The following AFF1 variants were observed in gnomAD, a reference collection of about 807,000 sequenced individuals.
AFF1 encodes the protein AF4/FMR2 family member 1.
A neutral mutation model predicts 121.7 loss-of-function variants in AFF1; 48 were observed. The ratio of observed to expected loss-of-function variants is 0.39; its 90% CI spans 0.31 to 0.50. The LOEUF (loss-of-function observed/expected upper bound fraction) is 0.50. AFF1 is among the 20% of genes least tolerant of loss of function. The pLI is 0.76. For synonymous variants in AFF1, 613 were observed against 563.0 expected, an observed-to-expected ratio of 1.09 and a Z score of -1.26; for missense variants, 1,523 against 1,511.7, an observed-to-expected ratio of 1.01 and a Z score of -0.12.
At chr4:87,082,562 G>T (rs912797647) in intron 4 of AFF1, among the ~76,000 whole-genome samples, 1 of 151,656 alleles carries the variant, frequency 6.6e-6, no homozygotes, top group Non-Finnish European at 1.5e-5. Context: ...TTAAATTTTT[G>T]TCTGTTTTGA....
At chr4:86,949,852 G>T in intron 2 of AFF1, 1 of 1,614,080 alleles carries the variant, frequency 6.2e-7, no homozygotes, top group Non-Finnish European at 8.5e-7. Context: ...CGTAGGTGTA[G>T]TTGGGGCAGG....
chr4:86,940,846 G>C (rs1044010171), intron 1 of AFF1, among the ~76,000 whole-genome samples: 2 of 151,854 alleles, frequency 1.3e-5, no homozygotes, highest in Non-Finnish European at 2.9e-5. Context: ...CTAGCACTTT[G>C]GGAGGCTAAG....
At chr4:87,039,750 A>G (rs909408534) in intron 2 of AFF1, among the ~76,000 whole-genome samples, 2 of 152,336 alleles carry the variant, frequency 1.3e-5, no homozygotes, top group Middle Eastern at 3.4e-3. Flanking sequence ...GAACTTGGCT[A>G]CTGAAAGGAG....
rs560010033 is a variant in AFF1 at position 86,938,034 on chromosome 4, GA to G, written c.-37+2796del. Among the ~76,000 whole-genome samples the G allele has an allele frequency of 3.9e-4, 59 of 152,298 alleles. 2 individuals are homozygous for G. The South Asian group carries it at 0.011, about 28-fold the overall frequency. ...TTCAATATTTTTTGAAAAGCTGATG[GA>G]AGGAGTTCTATGTTCAACTCTGTAA... On this transcript the variant is annotated intron_variant, in intron 1 of 20. Transcript: ENST00000395146.
At chr4:86,976,524 A>C (rs573550935) in intron 2 of AFF1, among the ~76,000 whole-genome samples, 2 of 152,300 alleles carry the variant, frequency 1.3e-5, no homozygotes, top group Middle Eastern at 3.4e-3. Context: ...CAGAAACAGA[A>C]AACCGAATAC....
At chr4:87,014,067 C>A (rs1030356517) in intron 2 of AFF1, among the ~76,000 whole-genome samples, 1 of 152,022 alleles carries the variant, frequency 6.6e-6, no homozygotes, top group Non-Finnish European at 1.5e-5. Flanking sequence ...ATATCTACGT[C>A]CATAAAATTT....
chr4:87,061,245 T>C (rs977518658), intron 4 of AFF1, among the ~76,000 whole-genome samples: 1 of 152,176 alleles, frequency 6.6e-6, no homozygotes, highest in Non-Finnish European at 1.5e-5. Context: ...TGGCAGGAGC[T>C]TGTGCAGCAG....
intron 2 of AFF1, among the ~76,000 whole-genome samples, chr4:86,958,345 C>G (rs975099780): frequency 6.6e-6 from 1 of 152,064 alleles, no homozygotes; most frequent in Non-Finnish European, 1.5e-5. Context: ...CCCAACTCAG[C>G]CTCCCAAAGT....
intron 2 of AFF1, chr4:87,006,964 C>T (rs1560534235): frequency 9.6e-7 from 1 of 1,040,116 alleles, no homozygotes; most frequent in African/African-American, 1.7e-5. Context: ...CCGGCGGACT[C>T]GGACAACTTC....
intron 2 of AFF1, among the ~76,000 whole-genome samples, chr4:86,995,299 TCCCTCCCC>T (rs1725047435): frequency 2.6e-5 from 1 of 38,244 alleles, no homozygotes; most frequent in Non-Finnish European, 5.1e-5. Context: ...CCCCTCTCCC[TCCCTCCCC>T]CTCTCCCCAC....
Position 87,132,386 on chromosome 4 carries a change from G to GCA in AFF1, c.3291_3292dup (p.Pro1098HisfsTer26). 1 of 1,611,120 alleles carries GCA rather than the reference G, an allele frequency of 6.2e-7. No homozygotes were observed. ...CGAGAGTTCTTCCAAAGTCGCCCAG[G>GCA]CACCTTCTCCATGCATTGCAAGGTA... On this transcript the variant is annotated frameshift_variant, in exon 19 of 21. Transcript: ENST00000395146. LOFTEE classifies it high-confidence loss of function.
At chr4:87,072,224 C>T (rs1018923755) in intron 4 of AFF1, among the ~76,000 whole-genome samples, 6 of 151,734 alleles carry the variant, frequency 4.0e-5, no homozygotes, top group African/African-American at 1.4e-4. Context: ...TTAGCTGGGC[C>T]TGGTGGCGGG....
At chr4:87,040,871 CT>C (rs780348229) in intron 2 of AFF1, among the ~76,000 whole-genome samples, 104 of 67,094 alleles carry the variant, frequency 1.6e-3, no homozygotes, top group African/African-American at 5.5e-3. Flanking sequence ...CCATGCCCTG[CT>C]TTTTTTTTTT....
intron 2 of AFF1, among the ~76,000 whole-genome samples, chr4:86,990,866 C>T (rs1724646034): frequency 6.6e-6 from 1 of 152,090 alleles, no homozygotes; most frequent in African/African-American, 2.4e-5. Flanking sequence ...AAATATGTAA[C>T]CTAGGCTGAG....
Position 87,114,495 on chromosome 4 carries a change from C to T in AFF1, c.1662C>T (p.Ser554=), listed in dbSNP as rs1726871777. 4 of 1,613,696 alleles carry T rather than the reference C, an allele frequency of 2.5e-6. No homozygotes were observed. In the African/African-American group the frequency reaches 5.3e-5, roughly 22 times the overall value. Residue 554 remains serine (S), a synonymous_variant, in exon 12 of 21, where the codon AGC becomes AGT. Transcript: ENST00000395146. ...PPRRHPESKG[S]SDSATSQEHS... The stretch of plus-strand genomic sequence containing the variant: ...GGCGGCACCCAGAGAGTAAGGGCAG[C>T]AGCGACAGTGCCACGAGTCAGGAGC...
chr4:87,047,503 A>G lies in AFF1; in HGVS notation c.968A>G (p.Asp323Gly), dbSNP rs1258886324. ...ESPELKPLPE[D>G]YRQQTFEKTD... ...CCTGAACTGAAACCACTGCCGGAGG[A>G]CTATCGACAGCAGACCTTTGAAAAA... The change falls in exon 4 of 21, where the codon GAC becomes GGC. Residue 323 changes from aspartate to glycine, a missense_variant. Around this residue, in one of 5 missense-constraint regions of AFF1, gnomAD observed 905 missense variants for 842.5 expected, o/e 1.07. Transcript: ENST00000395146. 3.1e-6 allele frequency: 5 copies of G among 1,614,080 alleles called. 1 individual carries two copies. The South Asian group carries it at 3.3e-5, about 11-fold the overall frequency.
intron 18 of AFF1, 110 bp downstream of exon 18, chr4:87,131,974 T>G (rs1728872227): frequency 9.7e-7 from 1 of 1,028,734 alleles, no homozygotes; most frequent in South Asian, 1.8e-5. Flanking sequence ...GAAAAGCAAG[T>G]CAGTACTTTG....
At chr4:87,012,380 A>G (rs926132651) in intron 2 of AFF1, among the ~76,000 whole-genome samples, 4 of 152,170 alleles carry the variant, frequency 2.6e-5, no homozygotes, top group African/African-American at 9.7e-5. Flanking sequence ...GAAATACAAT[A>G]TGCACCTCTA....
chr4:87,061,376 A>G (rs1048820485), intron 4 of AFF1, among the ~76,000 whole-genome samples: 6 of 152,188 alleles, frequency 3.9e-5, no homozygotes, highest in Non-Finnish European at 8.8e-5. Flanking sequence ...AAACTGGGCC[A>G]TGTTTAGCAC....
Sources: gnomAD v4.1 joint callset for allele counts (sites outside exome capture counted in the v4.1 genomes callset) on GRCh38, gnomAD v4.1.1 for gene constraint, gnomAD v4.1.1 regional missense constraint, MANE v1.5 for transcripts, NCBI Gene and HGNC (gene_info 2026-07-23, HGNC 2026-07-21) for gene names.